ADAM28: variants seen among roughly 807,000 people sequenced by gnomAD.
ADAM28 encodes the protein disintegrin and metalloproteinase domain-containing protein 28.
Under a neutral mutation model 101.2 loss-of-function variants are expected in ADAM28, and 105 were observed. That is an observed-to-expected ratio of 1.04 (90% CI 0.89 to 1.22). The LOEUF is 1.22. Ranked by LOEUF, ADAM28 falls within the 50% of genes most tolerant of loss-of-function variation. ADAM28 has a pLI of 0.00. For synonymous variants in ADAM28, 322 were observed against 310.6 expected (o/e 1.04, Z -0.39); for missense variants, 1,028 against 945.4 (o/e 1.09, Z -1.15).
At chr8:24,298,520 C>T (rs1808283824) in intron 1 of ADAM28, among the ~76,000 whole-genome samples, 1 of 151,984 alleles carries the variant, frequency 6.6e-6, no homozygotes, top group Non-Finnish European at 1.5e-5. Flanking sequence ...GCACAGTCCT[C>T]CTAGATAAGC....
At position 24,313,757 on chromosome 8, in the gene ADAM28, T is replaced by G. The variant is rs141040315; in HGVS notation, c.576+177T>G. 1.2e-4 allele frequency among the ~76,000 whole-genome samples: 17 copies of G among 145,828 alleles called. No individual in the cohort carries two copies. In the South Asian group the frequency reaches 3.0e-3, roughly 25 times the overall value. Reference sequence around the variant, plus strand: ...ATTTAACAAGTACTTAGGAATCAACTATTTTTTTTTTTTTTTTGAGATGGA... The same window carrying G: ...ATTTAACAAGTACTTAGGAATCAACGATTTTTTTTTTTTTTTTGAGATGGA... On this transcript the variant is annotated intron_variant, in intron 6 of 22. Coordinates refer to ENST00000265769, the MANE Select transcript of ADAM28 (RefSeq NM_014265.6).
intron 22 of ADAM28, 43 bp downstream of exon 22, chr8:24,353,875 TCTC>T (rs747318845): frequency 6.0e-6 from 8 of 1,336,636 alleles, no homozygotes; most frequent in Non-Finnish European, 8.5e-6. Flanking sequence ...TGTATTATAA[TCTC>T]CTACTGTCAA....
chr8:24,300,724 C>G (rs901698238), intron 2 of ADAM28, among the ~76,000 whole-genome samples: 4 of 152,170 alleles, frequency 2.6e-5, no homozygotes, highest in Non-Finnish European at 4.4e-5. Context: ...ATAAATTTAA[C>G]ATTTTATGAT....
intron 4 of ADAM28, 155 bp downstream of exon 4, chr8:24,310,396 G>T: frequency 1.4e-6 from 1 of 692,516 alleles, no homozygotes. Context: ...AAAAAGAAAA[G>T]TGGAAAATCA....
At chr8:24,332,851 T>C (rs367795734) in intron 13 of ADAM28, 102 bp downstream of exon 13, 1 of 603,850 alleles carries the variant, frequency 1.7e-6, no homozygotes, top group Non-Finnish European at 2.5e-6. Context: ...TATTTTTCTT[T>C]ATATAAAATG....
chr8:24,345,949 C>G (rs1166494801), intron 18 of ADAM28, among the ~76,000 whole-genome samples: 2 of 151,974 alleles, frequency 1.3e-5, no homozygotes, highest in Non-Finnish European at 2.9e-5. Flanking sequence ...CTTTATCCCC[C>G]AAGCCTTGTT....
intron 2 of ADAM28, among the ~76,000 whole-genome samples, chr8:24,305,477 T>TTA (rs1809473999): frequency 7.2e-6 from 1 of 138,876 alleles, no homozygotes; most frequent in African/African-American, 2.9e-5. Flanking sequence ...TTTTTTTTTT[T>TTA]AAAATATGTC....
At chr8:24,325,891 A>AAAAAAAAAAC (rs1563297061) in intron 9 of ADAM28, among the ~76,000 whole-genome samples, 10 of 144,210 alleles carry the variant, frequency 6.9e-5, no homozygotes, top group Non-Finnish European at 1.2e-4. Flanking sequence ...AAAAAAAAAA[A>AAAAAAAAAAC]AAAAAAAAAC....
chr8:24,312,238 T>TCAATCTCA (rs1437727392), intron 5 of ADAM28, among the ~76,000 whole-genome samples: 1 of 152,136 alleles, frequency 6.6e-6, no homozygotes, highest in African/African-American at 2.4e-5. Flanking sequence ...TAAAGAAACC[T>TCAATCTCA]CAATCTCAGT....
chr8:24,301,192 A>C (rs145894847), intron 2 of ADAM28, among the ~76,000 whole-genome samples: 31 of 152,336 alleles, frequency 2.0e-4, no homozygotes, highest in African/African-American at 7.2e-4. Context: ...TTCTAAAGCA[A>C]ATTTATGAAA....
rs780850615 is a variant in ADAM28 at position 24,353,789 on chromosome 8, T to C, written c.2264T>C (p.Leu755Pro). Residue 755 changes from leucine (L) to proline (P), a missense_variant, in exon 22 of 23, where the codon CTT becomes CCT. Transcript: ENST00000265769. ...ACGTAGCATAAAGACACAAACGCACTTCCCCCTACTGTTTTCAAGGATAAT... is the reference window on the plus strand; with the variant it reads ...ACGTAGCATAAAGACACAAACGCACCTCCCCCTACTGTTTTCAAGGATAAT... ...PASFHKDTNALPPTVFKDNPV... is the reference protein window; with the variant it reads ...PASFHKDTNAPPPTVFKDNPV... The C allele has an allele frequency of 3.9e-6, 6 of 1,519,458 alleles. No individual in the cohort carries two copies. The Admixed American group carries it at 8.4e-5, about 21-fold the overall frequency. 94.1% of individuals were successfully genotyped at this position (1,519,458 alleles called of 1,614,324 possible).
intron 6 of ADAM28, among the ~76,000 whole-genome samples, chr8:24,314,941 A>G (rs1321835695): frequency 1.3e-5 from 2 of 150,054 alleles, no homozygotes; most frequent in South Asian, 2.1e-4. Flanking sequence ...AAAAAAAACT[A>G]TAGCAGATAC....
intron 15 of ADAM28, among the ~76,000 whole-genome samples, 163 bp downstream of exon 15, chr8:24,339,731 G>A (rs913761788): frequency 1.3e-5 from 2 of 152,294 alleles, no homozygotes; most frequent in African/African-American, 4.8e-5. Flanking sequence ...TGTGGGCTAG[G>A]TACCGAGTCT....
chr8:24,294,203 T>C lies in ADAM28; in HGVS notation c.46+8T>C, dbSNP rs199646161. The C allele has an allele frequency of 4.3e-6, 7 of 1,614,040 alleles. No individual in the cohort carries two copies. In the Admixed American group the frequency reaches 5.0e-5, roughly 12 times the overall value. ...TCCTCCTCTCTGTTGCAGGTACATATTTAGCTCTTTTTCAGGTTCTATTGA... is the reference window on the plus strand; with the variant it reads ...TCCTCCTCTCTGTTGCAGGTACATACTTAGCTCTTTTTCAGGTTCTATTGA... On this transcript the variant is annotated splice_region_variant and intron_variant, in intron 1 of 22. Transcript: ENST00000265769.
At chr8:24,346,628 G>A (rs1815432607) in intron 18 of ADAM28, among the ~76,000 whole-genome samples, 1 of 151,950 alleles carries the variant, frequency 6.6e-6, no homozygotes, top group Non-Finnish European at 1.5e-5. Context: ...CAAGATTATT[G>A]TTAACACCAT....
chr8:24,329,841 CTT>C (rs1488488581), intron 10 of ADAM28, 142 bp from the exon 11 acceptor site: 15 of 846,332 alleles, frequency 1.8e-5, no homozygotes, highest in Admixed American at 5.2e-5. Context: ...CTCTCTCTCT[CTT>C]GCTCTGTGTG....
rs190543980 is a variant in ADAM28 at position 24,329,933 on chromosome 8, G to A, written c.973-52G>A. 3.5e-4 allele frequency: 525 copies of A among 1,512,588 alleles called. 7 individuals are homozygous for A. In the Admixed American group the frequency reaches 9.0e-3, roughly 26 times the overall value. 93.7% of individuals were successfully genotyped at this position (1,512,588 alleles called of 1,614,324 possible). On this transcript the variant is annotated intron_variant, in intron 10 of 22. Transcript: ENST00000265769. ...AGAGAGAGATGGCAAGTAGAGTGAT[G>A]TATAATTTCATTCGAAAATCAGAGA... is the stretch of plus-strand genomic sequence containing the variant.
intron 9 of ADAM28, among the ~76,000 whole-genome samples, chr8:24,325,889 A>AC (rs1563296988): frequency 5.3e-4 from 75 of 142,000 alleles, no homozygotes; most frequent in South Asian, 2.7e-3. Flanking sequence ...AAAAAAAAAA[A>AC]AAAAAAAAAA....
chr8:24,340,937 A>G (rs957511799), intron 15 of ADAM28: 1 of 152,174 alleles, frequency 6.6e-6, no homozygotes, highest in Admixed American at 6.5e-5. Context: ...GTGAGTGTTG[A>G]GCAGTTTAAT....
Sources: gnomAD v4.1 joint callset for allele counts (sites outside exome capture counted in the v4.1 genomes callset) on GRCh38, gnomAD v4.1.1 for gene constraint, MANE v1.5 for transcripts, NCBI Gene and HGNC (gene_info 2026-07-23, HGNC 2026-07-21) for gene names.